The following DNAJC15 variants were observed in gnomAD, a reference collection of about 807,000 sequenced individuals.
The protein encoded by DNAJC15 is DnaJ heat shock protein family (Hsp40) member C15.
Under a neutral mutation model 22.4 loss-of-function variants are expected in DNAJC15, and 27 were observed. That is an observed-to-expected ratio of 1.20 (90% CI 0.89 to 1.66). The LOEUF is 1.66. Among genes scored for constraint, DNAJC15 ranks in the 40% most tolerant of loss-of-function variants. The pLI, the probability that DNAJC15 is intolerant of heterozygous loss-of-function variation, is 0.00. For missense variants in DNAJC15, 208 were observed against 187.1 expected (o/e 1.11, Z -0.65); for synonymous variants, 79 against 63.2 (o/e 1.25, Z -1.19).
chr13:43,032,540 G>C (rs1388193435), intron 1 of DNAJC15, among the ~76,000 whole-genome samples: 1 of 152,160 alleles, frequency 6.6e-6, no homozygotes, highest in African/African-American at 2.4e-5. Flanking sequence ...AATAAGTACT[G>C]TTGCCAAGTG....
At chr13:43,068,621 T>C (rs2040594131) in intron 2 of DNAJC15, among the ~76,000 whole-genome samples, 2 of 152,134 alleles carry the variant, frequency 1.3e-5, no homozygotes. Context: ...ACTAGGATGT[T>C]ATTTTTTTTG....
chr13:43,083,944 G>C (rs993914790), intron 4 of DNAJC15, among the ~76,000 whole-genome samples: 2 of 152,138 alleles, frequency 1.3e-5, no homozygotes, highest in Non-Finnish European at 2.9e-5. Context: ...TATTTTATGT[G>C]CCTACTCAGC....
At chr13:43,058,179 T>C (rs1414058094) in intron 1 of DNAJC15, among the ~76,000 whole-genome samples, 1 of 152,126 alleles carries the variant, frequency 6.6e-6, no homozygotes, top group African/African-American at 2.4e-5. Context: ...GTTGTTCTTT[T>C]ATGAGTTGCT....
At chr13:43,029,429 T>G (rs1332752540) in intron 1 of DNAJC15, among the ~76,000 whole-genome samples, 1 of 152,230 alleles carries the variant, frequency 6.6e-6, no homozygotes, top group East Asian at 1.9e-4. Context: ...TTTAGCATTT[T>G]ATAACACTTT....
chr13:43,071,239 A>G (rs2040607202), intron 3 of DNAJC15, among the ~76,000 whole-genome samples: 1 of 152,172 alleles, frequency 6.6e-6, no homozygotes, highest in South Asian at 2.1e-4. Context: ...TACTCATGTA[A>G]ACTCTTTATT....
At chr13:43,050,610 T>TA (rs911872964) in intron 1 of DNAJC15, among the ~76,000 whole-genome samples, 1 of 151,744 alleles carries the variant, frequency 6.6e-6, no homozygotes, top group Non-Finnish European at 1.5e-5. Flanking sequence ...GATACATGAT[T>TA]AAAAAAAAAT....
At chr13:43,057,947 A>G (rs57722634) in intron 1 of DNAJC15, among the ~76,000 whole-genome samples, 1 of 152,076 alleles carries the variant, frequency 6.6e-6, no homozygotes, top group Non-Finnish European at 1.5e-5. Context: ...TCAAACACAG[A>G]TGTGATCTGT....
chr13:43,052,153 C>A (rs1376721293), intron 1 of DNAJC15, among the ~76,000 whole-genome samples: 6 of 151,856 alleles, frequency 4.0e-5, no homozygotes, highest in Non-Finnish European at 8.8e-5. Flanking sequence ...TTAGTAGAGA[C>A]AGGGTTTCAC....
intron 1 of DNAJC15, among the ~76,000 whole-genome samples, chr13:43,058,092 G>A (rs549289992): frequency 6.6e-6 from 1 of 152,298 alleles, no homozygotes; most frequent in East Asian, 1.9e-4. Context: ...GTTGTTACAT[G>A]GACAGACTCA....
chr13:43,104,316 G>T (rs921542267), intron 5 of DNAJC15, among the ~76,000 whole-genome samples: 2 of 152,116 alleles, frequency 1.3e-5, no homozygotes, highest in Admixed American at 1.3e-4. Context: ...ATACTCTTCT[G>T]TGTCTGGCTT....
At chr13:43,094,892 T>C (rs1181722201) in intron 5 of DNAJC15, among the ~76,000 whole-genome samples, 2 of 152,028 alleles carry the variant, frequency 1.3e-5, no homozygotes, top group Non-Finnish European at 1.5e-5. Context: ...AAAAGCAATT[T>C]CAGAATGTCA....
At chr13:43,044,351 TACCC>T (rs2040466739) in intron 1 of DNAJC15, among the ~76,000 whole-genome samples, 3 of 152,224 alleles carry the variant, frequency 2.0e-5, no homozygotes, top group Admixed American at 2.0e-4. Flanking sequence ...CCTCTCCATT[TACCC>T]TCTAGGTGTT....
intron 5 of DNAJC15, among the ~76,000 whole-genome samples, chr13:43,089,173 T>C (rs560801161): frequency 6.6e-6 from 1 of 152,214 alleles, no homozygotes; most frequent in Non-Finnish European, 1.5e-5. Flanking sequence ...AACTAATACA[T>C]TAAATAATTT....
At chr13:43,026,288 A>C (rs1164602873) in intron 1 of DNAJC15, among the ~76,000 whole-genome samples, 1 of 152,220 alleles carries the variant, frequency 6.6e-6, no homozygotes, top group East Asian at 1.9e-4. Flanking sequence ...GATTATCATA[A>C]ACTTTTCACC....
intron 1 of DNAJC15, among the ~76,000 whole-genome samples, chr13:43,034,795 T>C (rs2040421988): frequency 6.6e-6 from 1 of 152,140 alleles, no homozygotes; most frequent in South Asian, 2.1e-4. Context: ...ACCCCCAACG[T>C]TGTGGGGGTT....
intron 1 of DNAJC15, among the ~76,000 whole-genome samples, chr13:43,041,097 G>A (rs947315503): frequency 3.5e-4 from 53 of 152,132 alleles, no homozygotes; most frequent in African/African-American, 1.0e-3. Flanking sequence ...TACAGGTGTC[G>A]GGCTGGGGGA....
intron 5 of DNAJC15, among the ~76,000 whole-genome samples, chr13:43,095,939 A>T (rs2040737574): frequency 6.6e-6 from 1 of 151,980 alleles, no homozygotes; most frequent in Non-Finnish European, 1.5e-5. Context: ...TGTGAGGAAG[A>T]GGAGGAGAGA....
chr13:43,028,539 C>G (rs2040390688), intron 1 of DNAJC15, among the ~76,000 whole-genome samples: 1 of 152,188 alleles, frequency 6.6e-6, no homozygotes, highest in Non-Finnish European at 1.5e-5. Flanking sequence ...TTGTTAATGA[C>G]ACCATCCCTT....
chr13:43,045,194 C>T (rs1286304442), intron 1 of DNAJC15, among the ~76,000 whole-genome samples: 4 of 152,202 alleles, frequency 2.6e-5, no homozygotes, highest in Non-Finnish European at 5.9e-5. Flanking sequence ...AGGGACTTTA[C>T]ACTTGTTCCC....
Sources: allele counts gnomAD v4.1 joint callset (sites outside exome capture counted in the v4.1 genomes callset), GRCh38; gene constraint gnomAD v4.1.1; transcripts MANE v1.5; gene names NCBI Gene and HGNC (gene_info 2026-07-23, HGNC 2026-07-21).